RANBP2: variants seen among roughly 807,000 people sequenced by gnomAD.
RANBP2 encodes E3 SUMO-protein ligase RanBP2.
A neutral mutation model predicts 303.6 loss-of-function variants in RANBP2; 57 were observed. The ratio of observed to expected loss-of-function variants is 0.19; its 90% confidence interval spans 0.15 to 0.23. The LOEUF is 0.23. RANBP2 is among the 10% of genes least tolerant of loss of function. RANBP2 has a pLI of 1.00. For synonymous variants in RANBP2, 1,167 were observed against 1,301.5 expected, an observed-to-expected ratio of 0.90 and a Z score of 2.23; for missense variants, 3,138 against 3,780.8, an observed-to-expected ratio of 0.83 and a Z score of 4.46.
the RANBP2 span, among the ~76,000 whole-genome samples, chr2:109,060,960 A>C: frequency 2.6e-5 from 4 of 152,206 alleles, no homozygotes; most frequent in African/African-American, 9.7e-5. Flanking sequence ...CACCCTAAGG[A>C]AGCAGGTATT....
the RANBP2 span, among the ~76,000 whole-genome samples, chr2:109,260,693 G>A: frequency 1.3e-5 from 2 of 152,286 alleles, no homozygotes; most frequent in South Asian, 4.1e-4. Context: ...CCTGCAGAGG[G>A]TGAAGAGAAG....
In RANBP2 at chr2:108,736,223, G is replaced by T; in HGVS notation, c.756G>T (p.Val252=). Reference sequence around the variant, plus strand: ...TTCTTACGCTTTCCACTAGAGATGTGCAGGAAAGTAGAGAATTACTGCAAA... The same window carrying T: ...TTCTTACGCTTTCCACTAGAGATGTTCAGGAAAGTAGAGAATTACTGCAAA... ...LMLLTLSTRD[V]QESRELLQSF... is the part of the protein sequence containing the mutation. The change falls in exon 6 of 29, where the codon GTG becomes GTT. Residue 252 remains valine, a synonymous_variant. Transcript: ENST00000283195. 1 of 1,611,934 alleles carries T rather than the reference G, an allele frequency of 6.2e-7. No homozygotes were observed. The highest frequency in any genetic ancestry group is 8.5e-7 in the Non-Finnish European group (1 of 1,179,824).
chr2:109,118,565 C>G, the RANBP2 span, among the ~76,000 whole-genome samples: 1,198 of 149,026 alleles, frequency 8.0e-3, 11 homozygotes, highest in East Asian at 0.04. Flanking sequence ...ACTGGCAAAA[C>G]AGAATATCTG....
chr2:109,170,607 C>G, the RANBP2 span, among the ~76,000 whole-genome samples: 5 of 152,108 alleles, frequency 3.3e-5, no homozygotes, highest in Non-Finnish European at 7.4e-5. Flanking sequence ...GCCTCGGCCA[C>G]CCAAAGCGCT....
the RANBP2 span, among the ~76,000 whole-genome samples, chr2:109,397,595 A>G: frequency 1.3e-5 from 2 of 152,148 alleles, no homozygotes; most frequent in African/African-American, 4.8e-5. Flanking sequence ...GGATCAGGGG[A>G]CACTGTCACT....
chr2:109,187,993 C>T, the RANBP2 span, among the ~76,000 whole-genome samples: 3 of 152,304 alleles, frequency 2.0e-5, no homozygotes, highest in South Asian at 2.1e-4. Flanking sequence ...GGGGGCACAG[C>T]GGGGGTTGCC....
the RANBP2 span, among the ~76,000 whole-genome samples, chr2:109,117,643 G>C: frequency 2.6e-5 from 4 of 152,244 alleles, no homozygotes; most frequent in Admixed American, 2.6e-4. Context: ...TGCACGCACT[G>C]TCCTGCGCCC....
chr2:109,714,014 G>T, the RANBP2 span, among the ~76,000 whole-genome samples: 57 of 152,206 alleles, frequency 3.7e-4, no homozygotes, highest in East Asian at 9.7e-3. Context: ...GCTCAGGCCC[G>T]TAGGACTGCC....
chr2:108,741,916 T>TA (rs1411360812), intron 7 of RANBP2, among the ~76,000 whole-genome samples: 2 of 151,324 alleles, frequency 1.3e-5, no homozygotes, highest in Non-Finnish European at 2.9e-5. Context: ...AAATGATTGT[T>TA]AATTTTAGAG....
In RANBP2 at chr2:108,763,624, A is replaced by G. The variant is rs761253495; in HGVS notation, c.3085A>G (p.Thr1029Ala). ...AACACAAGCACACACAACACAGCCA[A>G]CTCCTTTTAAATTTAACTCAAATTT... ...LPTQAHTTQP[T>A]PFKFNSNFKS... The change falls in exon 20 of 29, where the codon ACT becomes GCT. Residue 1029 changes from threonine to alanine, a missense_variant. By Grantham distance (58) the Thr-to-Ala change is moderately conservative. Coordinates refer to ENST00000283195, the MANE Select transcript of RANBP2 (RefSeq NM_006267.5). 1.2e-6 allele frequency: 2 copies of G among 1,613,800 alleles called. No homozygotes were observed. The highest frequency in any genetic ancestry group is 2.2e-5 in the East Asian group (1 of 44,878).
At position 108,719,502 on chromosome 2, in the gene RANBP2, A is replaced by C. The variant is rs1694028656; in HGVS notation, c.-105A>C. The C allele has an allele frequency of 2.6e-6, 4 of 1,523,600 alleles. No individual in the cohort carries two copies. Among genetic ancestry groups the C allele is most frequent in the South Asian group, 1.2e-5 (1 of 83,366 alleles). 94.4% of individuals were successfully genotyped at this position (1,523,600 alleles called of 1,614,324 possible). A position where few individuals can be genotyped will look rare whatever the true frequency, so the allele number is the denominator to read the frequency against. Reference sequence around the variant, plus strand: ...TCGTCACAGTGGTCCTCCGCCGGCTACGGCGCTGCGTCACTGGTTTGCAGG... The same window carrying C: ...TCGTCACAGTGGTCCTCCGCCGGCTCCGGCGCTGCGTCACTGGTTTGCAGG... On this transcript the variant is annotated 5_prime_UTR_variant, in exon 1 of 29. Transcript: ENST00000283195.
At chr2:109,396,934 TC>T in the RANBP2 span, among the ~76,000 whole-genome samples, 1 of 152,216 alleles carries the variant, frequency 6.6e-6, no homozygotes, top group Non-Finnish European at 1.5e-5. Context: ...CCTCTTCCTT[TC>T]TGAATCCTGT....
chr2:109,012,656 T>C, the RANBP2 span, among the ~76,000 whole-genome samples: 15 of 152,324 alleles, frequency 9.8e-5, no homozygotes, highest in Non-Finnish European at 1.9e-4. Flanking sequence ...GGCTCACGCC[T>C]GTAATCCCAG....
chr2:109,295,478 G>A, the RANBP2 span, among the ~76,000 whole-genome samples: 1 of 152,230 alleles, frequency 6.6e-6, no homozygotes, highest in African/African-American at 2.4e-5. Flanking sequence ...GGGAGGTGAG[G>A]CTGGGAAAGG....
the RANBP2 span, among the ~76,000 whole-genome samples, chr2:109,244,847 C>T: frequency 8.5e-5 from 13 of 152,300 alleles, no homozygotes; most frequent in Non-Finnish European, 1.3e-4. Flanking sequence ...GTTTTACACA[C>T]CTTTCCCACT....
the RANBP2 span, among the ~76,000 whole-genome samples, chr2:109,355,763 C>T: frequency 1.8e-4 from 27 of 152,196 alleles, no homozygotes; most frequent in Admixed American, 3.9e-4. Flanking sequence ...CCATGCCATG[C>T]GGATCAGTCT....
At chr2:109,661,465 C>T in the RANBP2 span, among the ~76,000 whole-genome samples, 1 of 152,142 alleles carries the variant, frequency 6.6e-6, no homozygotes, top group South Asian at 2.1e-4. Context: ...CCAGGCTGCT[C>T]TCGAACTCCT....
chr2:109,127,907 T>C, the RANBP2 span: 1 of 152,190 alleles, frequency 6.6e-6, no homozygotes, highest in Non-Finnish European at 1.5e-5. Flanking sequence ...GTTTAGAGGA[T>C]TAAATAATAT....
chr2:108,903,269 T>C, the RANBP2 span, among the ~76,000 whole-genome samples: 1 of 152,188 alleles, frequency 6.6e-6, no homozygotes, highest in South Asian at 2.1e-4. Context: ...AGATATACCA[T>C]GCCCATGGCT....
Sources: gnomAD v4.1 joint callset for allele counts (sites outside exome capture counted in the v4.1 genomes callset) on GRCh38, gnomAD v4.1.1 for gene constraint, MANE v1.5 for transcripts, NCBI Gene and HGNC (gene_info 2026-07-23, HGNC 2026-07-21) for gene names.